Variants in PUS10 observed in about 807,000 individuals in gnomAD.
PUS10 encodes pseudouridine synthase 10.
A neutral mutation model predicts 75.0 loss-of-function variants in PUS10; 59 were observed. That is an observed-to-expected ratio of 0.79 (90% CI 0.64 to 0.98). PUS10 has a LOEUF of 0.98. PUS10 is among the 50% of genes least tolerant of loss of function. The pLI is 0.00. For synonymous variants in PUS10, 219 were observed against 211.6 expected (o/e 1.03, Z -0.30); for missense variants, 650 against 614.4 (o/e 1.06, Z -0.61).
chr2:60,990,773 TCTCA>T (rs1249267316), intron 4 of PUS10, among the ~76,000 whole-genome samples: 1 of 152,196 alleles, frequency 6.6e-6, no homozygotes, highest in Non-Finnish European at 1.5e-5. Context: ...TGAGACAGGG[TCTCA>T]CTCTGTTGTC....
intron 4 of PUS10, among the ~76,000 whole-genome samples, chr2:60,991,123 C>T (rs1005271628): frequency 8.5e-5 from 13 of 152,160 alleles, no homozygotes; most frequent in Non-Finnish European, 1.8e-4. Context: ...AGGCAATCCT[C>T]CTGCCTCAGT....
In PUS10 at chr2:60,942,435, T is replaced by G. The variant is rs908117701; in HGVS notation, c.1552-2A>C. ...AGGTGGCCAGTCAACATCTACAGAC[T>G]AGAAGGGAGAAAAGAAGTCATTAAA... On this transcript the variant is annotated splice_acceptor_variant, in intron 17 of 17. Transcript: ENST00000316752. LOFTEE classifies it high-confidence loss of function. 1 of 1,610,832 alleles carries G rather than the reference T, an allele frequency of 6.2e-7. No homozygotes were observed. Among genetic ancestry groups the G allele is most frequent in the African/African-American group, 1.3e-5 (1 of 74,834 alleles).
At chr2:60,993,239 A>C (rs932816147) in intron 4 of PUS10, among the ~76,000 whole-genome samples, 2 of 152,192 alleles carry the variant, frequency 1.3e-5, no homozygotes, top group East Asian at 3.9e-4. Context: ...GGCAGACCAC[A>C]AGGTCAGGAG....
In PUS10 at chr2:61,018,086, G is replaced by A; in HGVS notation, c.-94C>T. ...CAACGTTTTTTTCGGGAGCTCCTGG[G>A]CGTCTCTCTGGGTCTCTGTGCTTGA... is the stretch of plus-strand genomic sequence containing the variant. On this transcript the variant is annotated 5_prime_UTR_variant, in exon 1 of 18. Coordinates refer to ENST00000316752, the MANE Select transcript of PUS10 (RefSeq NM_144709.4). 1.3e-6 allele frequency: 2 copies of A among 1,522,660 alleles called. No homozygotes were observed. The highest frequency in any genetic ancestry group is 1.8e-6 in the Non-Finnish European group (2 of 1,134,374). 94.3% of individuals were successfully genotyped at this position (1,522,660 alleles called of 1,614,324 possible). A position where few individuals can be genotyped will look rare whatever the true frequency, so the allele number is the denominator to read the frequency against.
chr2:60,983,135 C>A (rs1677506553), intron 4 of PUS10, among the ~76,000 whole-genome samples: 1 of 152,058 alleles, frequency 6.6e-6, no homozygotes. Context: ...TTAAGCAATC[C>A]TCCTGCCTTG....
chr2:60,960,205 G>A (rs1007498541), intron 11 of PUS10, among the ~76,000 whole-genome samples, 187 bp downstream of exon 11: 4 of 150,942 alleles, frequency 2.7e-5, no homozygotes, highest in African/African-American at 9.7e-5. Flanking sequence ...TAGGTCAGGT[G>A]GGGTGGCTCA....
At chr2:60,970,701 C>T (rs1183920843) in intron 5 of PUS10, among the ~76,000 whole-genome samples, 1 of 152,136 alleles carries the variant, frequency 6.6e-6, no homozygotes, top group African/African-American at 2.4e-5. Flanking sequence ...CATCATATCA[C>T]ATTTTAAAAA....
rs373867073 is a variant in PUS10, at chr2:60,945,088, T to C, written c.1472A>G (p.His491Arg). ...TGGCTTGGTTCTCCCGAAGTCTCCA[T>C]GTACAAACTCTTTAATGTAGCTGGG... ...QAGTYIKEFVHGDFGRTKPNI... is the reference protein window; with the variant it reads ...QAGTYIKEFVRGDFGRTKPNI... Residue 491 changes from histidine to arginine, a missense_variant, in exon 17 of 18, where the codon CAT (histidine) becomes CGT (arginine). By Grantham distance (29) the His-to-Arg change is conservative. Transcript: ENST00000316752. The C allele has an allele frequency of 1.2e-6, 2 of 1,613,534 alleles. No homozygotes were observed. The highest frequency in any genetic ancestry group is 2.2e-5 in the East Asian group (1 of 44,874).
intron 4 of PUS10, among the ~76,000 whole-genome samples, chr2:60,989,159 G>A (rs1490731693): frequency 1.3e-5 from 2 of 151,758 alleles, no homozygotes; most frequent in African/African-American, 4.9e-5. Flanking sequence ...AAAAACAGGA[G>A]TTAAGCAGCA....
rs1454270794 is a variant in PUS10 at position 61,018,023 on chromosome 2, T to G, written c.-31A>C. ...GGGCGCTTACCAGTGGGGACTTTAG[T>G]GTCTCACAGCTGTTTCTGACCCGGC... On this transcript the variant is annotated 5_prime_UTR_variant, in exon 1 of 18. Coordinates refer to ENST00000316752, the MANE Select transcript of PUS10 (RefSeq NM_144709.4). 1 of 1,396,012 alleles carries G rather than the reference T, an allele frequency of 7.2e-7. No homozygotes were observed. The highest frequency in any genetic ancestry group is 2.5e-5 in the East Asian group (1 of 40,138). 86.5% of individuals were successfully genotyped at this position (1,396,012 alleles called of 1,614,324 possible). A position where few individuals can be genotyped will look rare whatever the true frequency, so the allele number is the denominator to read the frequency against.
At chr2:61,010,162 A>G (rs867121259) in intron 2 of PUS10, 4 of 152,310 alleles carry the variant, frequency 2.6e-5, no homozygotes, top group Middle Eastern at 3.4e-3. Flanking sequence ...TTAAAACCTA[A>G]TAACATATAA....
intron 6 of PUS10, 129 bp downstream of exon 6, chr2:60,967,373 A>T: frequency 1.6e-6 from 1 of 615,812 alleles, no homozygotes; most frequent in Non-Finnish European, 2.9e-6. Context: ...TTAACATTTT[A>T]AAAGCTTAAA....
chr2:61,004,150 T>C (rs1203581159), intron 4 of PUS10, among the ~76,000 whole-genome samples: 2 of 152,292 alleles, frequency 1.3e-5, no homozygotes, highest in Admixed American at 6.5e-5. Flanking sequence ...ATGTAGAACA[T>C]GGCACTAGAG....
intron 4 of PUS10, among the ~76,000 whole-genome samples, chr2:60,982,350 C>T (rs911830946): frequency 2.6e-5 from 4 of 152,108 alleles, no homozygotes; most frequent in African/African-American, 9.7e-5. Flanking sequence ...GAAACTTCCA[C>T]CTCCTGGGTT....
chr2:61,009,412 G>C (rs1275283276), intron 2 of PUS10, among the ~76,000 whole-genome samples: 1 of 152,084 alleles, frequency 6.6e-6, no homozygotes, highest in Non-Finnish European at 1.5e-5. Context: ...TTCCATCCTT[G>C]CTAGGTTATT....
chr2:60,950,330 T>C (rs893435836), intron 15 of PUS10, among the ~76,000 whole-genome samples: 2 of 152,258 alleles, frequency 1.3e-5, no homozygotes, highest in Admixed American at 6.5e-5. Flanking sequence ...GTCATAGATA[T>C]AGACATACGT....
intron 15 of PUS10, among the ~76,000 whole-genome samples, chr2:60,952,701 A>C (rs1675417619): frequency 1.3e-5 from 2 of 152,264 alleles, no homozygotes; most frequent in South Asian, 4.1e-4. Flanking sequence ...TGAAGCAGAA[A>C]GAGGTTAAGT....
At chr2:60,989,036 G>A (rs1187450199) in intron 4 of PUS10, among the ~76,000 whole-genome samples, 2 of 152,140 alleles carry the variant, frequency 1.3e-5, no homozygotes, top group African/African-American at 2.4e-5. Flanking sequence ...GGAGTGCAGG[G>A]AATAGCAACA....
At chr2:61,007,488 G>A (rs1442922288) in intron 3 of PUS10, among the ~76,000 whole-genome samples, 1 of 151,520 alleles carries the variant, frequency 6.6e-6, no homozygotes, top group Non-Finnish European at 1.5e-5. Context: ...AAACCAGAAG[G>A]TCGGGCGTGG....
Sources: allele counts gnomAD v4.1 joint callset (sites outside exome capture counted in the v4.1 genomes callset), GRCh38; gene constraint gnomAD v4.1.1; transcripts MANE v1.5; gene names NCBI Gene and HGNC (gene_info 2026-07-23, HGNC 2026-07-21).